Variants in SYN3 observed in about 807,000 individuals in gnomAD.
SYN3 encodes synapsin-3.
Under a neutral mutation model 65.8 loss-of-function variants are expected in SYN3, and 35 were observed. That is an observed-to-expected ratio of 0.53 (90% CI 0.41 to 0.70). SYN3 has a LOEUF of 0.70. Ranked by LOEUF, SYN3 falls within the 30% of genes least tolerant of loss-of-function variation. The pLI, the probability that SYN3 is intolerant of heterozygous loss-of-function variation, is 0.00. For synonymous variants in SYN3, 270 were observed against 292.9 expected (o/e 0.92, Z 0.80); for missense variants, 680 against 749.0 (o/e 0.91, Z 1.08).
chr22:32,867,030 T>C (rs1341128452), intron 5 of SYN3, among the ~76,000 whole-genome samples: 1 of 152,126 alleles, frequency 6.6e-6, no homozygotes, highest in Non-Finnish European at 1.5e-5. Flanking sequence ...GGAAGCTAAG[T>C]TCAGAGAGGT....
In SYN3 at chr22:32,587,377, G is replaced by A. The variant is rs554934370; in HGVS notation, c.774+9297C>T. ...GTGTTGGGGGGGAGGGTCCCTCACG[G>A]TTTAGCTGGGTCCCAGAACTCCCTC... is the stretch of plus-strand genomic sequence containing the variant. On this transcript the variant is annotated intron_variant, in intron 7 of 13. Transcript: ENST00000358763. Among the ~76,000 whole-genome samples the A allele has an allele frequency of 2.4e-3, 358 of 152,082 alleles. 2 individuals are homozygous for A. The highest frequency in any genetic ancestry group is 8.3e-3 in the African/African-American group (343 of 41,496).
chr22:32,917,600 G>C (rs2050219247), intron 4 of SYN3, among the ~76,000 whole-genome samples: 1 of 152,216 alleles, frequency 6.6e-6, no homozygotes, highest in African/African-American at 2.4e-5. Flanking sequence ...CCCAGAGCTG[G>C]AGTCATTCCG....
At chr22:32,927,950 C>T (rs1037140885) in intron 4 of SYN3, among the ~76,000 whole-genome samples, 2 of 152,206 alleles carry the variant, frequency 1.3e-5, no homozygotes, top group South Asian at 2.1e-4. Context: ...CAGTCTGTTA[C>T]TTTAACAAAA....
intron 9 of SYN3, among the ~76,000 whole-genome samples, chr22:32,537,038 G>A (rs749303121): frequency 2.6e-5 from 4 of 152,158 alleles, no homozygotes; most frequent in Non-Finnish European, 4.4e-5. Context: ...AGCTTTTTGA[G>A]TTCACAGCCC....
intron 6 of SYN3, among the ~76,000 whole-genome samples, chr22:32,648,039 G>A (rs1281227842): frequency 6.6e-6 from 1 of 152,004 alleles, no homozygotes; most frequent in African/African-American, 2.4e-5. Flanking sequence ...AAAAGTTTTT[G>A]TAGGGATTGG....
At chr22:33,007,525 T>C (rs893459053) in intron 1 of SYN3, among the ~76,000 whole-genome samples, 2 of 152,196 alleles carry the variant, frequency 1.3e-5, no homozygotes, top group Non-Finnish European at 2.9e-5. Context: ...GAGGTAATTA[T>C]GGTTAGTGGG....
In SYN3 at chr22:32,849,630, T is replaced by G; in HGVS notation, c.711+15285A>C. ...GGCAAAGTGGGTTGGAACTGGGGTG[T>G]GTGTCTAAGCACCAGCCAGACCCAG... On this transcript the variant is annotated intron_variant, in intron 6 of 13. Coordinates refer to ENST00000358763, the MANE Select transcript of SYN3 (RefSeq NM_003490.4). 3.7e-6 allele frequency: 4 copies of G among 1,077,818 alleles called. No individual in the cohort carries two copies. The Admixed American group carries it at 7.9e-5, about 21-fold the overall frequency. The allele number at this position is 1,077,818 out of a possible 1,614,324, so 66.8% of individuals were successfully genotyped here. A position where few individuals can be genotyped will look rare whatever the true frequency, so the allele number is the denominator to read the frequency against.
chr22:32,789,104 C>G (rs2046261877), intron 6 of SYN3, among the ~76,000 whole-genome samples: 1 of 152,238 alleles, frequency 6.6e-6, no homozygotes, highest in African/African-American at 2.4e-5. Flanking sequence ...CTTAAAAATG[C>G]AAAGCATTCC....
At chr22:32,562,277 G>A (rs963394912) in intron 7 of SYN3, among the ~76,000 whole-genome samples, 3 of 152,158 alleles carry the variant, frequency 2.0e-5, no homozygotes, top group Non-Finnish European at 4.4e-5. Flanking sequence ...CCTTCCTCCC[G>A]CCCTTTCCCA....
At chr22:32,683,872 T>C (rs2060555805) in intron 6 of SYN3, among the ~76,000 whole-genome samples, 1 of 152,192 alleles carries the variant, frequency 6.6e-6, no homozygotes, top group South Asian at 2.1e-4. Flanking sequence ...AGTCTAGAAG[T>C]ACACTAGCAA....
intron 1 of SYN3, among the ~76,000 whole-genome samples, chr22:33,050,495 A>C (rs375733875): frequency 0.013 from 1,916 of 151,284 alleles, 16 homozygotes; most frequent in Middle Eastern, 0.037. Context: ...AAAAAAAAAA[A>C]AAAACAAAAC....
chr22:32,951,770 G>T (rs559435071), intron 3 of SYN3, among the ~76,000 whole-genome samples: 1 of 152,208 alleles, frequency 6.6e-6, no homozygotes, highest in African/African-American at 2.4e-5. Context: ...GGTGACTCCC[G>T]TTGGAGTGTG....
chr22:32,710,090 C>CACAT (rs1555931688), intron 6 of SYN3, among the ~76,000 whole-genome samples: 12 of 97,142 alleles, frequency 1.2e-4, no homozygotes, highest in Non-Finnish European at 1.9e-4. Flanking sequence ...CACACACACA[C>CACAT]ACACACACAT....
At position 32,916,014 on chromosome 22, in the gene SYN3, T is replaced by C. The variant is rs936495803; in HGVS notation, c.461+15376A>G. On this transcript the variant is annotated intron_variant, in intron 4 of 13. Coordinates refer to ENST00000358763, the MANE Select transcript of SYN3 (RefSeq NM_003490.4). ...AGTTGTGCTGTGTAACTTCTGATGC[T>C]AGTCCTTAAGATACCTGCAGCTTCT... Among the ~76,000 whole-genome samples the C allele has an allele frequency of 3.9e-5, 6 of 152,334 alleles. 1 individual carries two copies. Among genetic ancestry groups the C allele is most frequent in the East Asian group, 1.9e-4 (1 of 5,180 alleles).
At chr22:32,701,414 C>T (rs909416460) in intron 6 of SYN3, among the ~76,000 whole-genome samples, 1 of 151,890 alleles carries the variant, frequency 6.6e-6, no homozygotes, top group Admixed American at 6.6e-5. Flanking sequence ...TGTAAGAAAG[C>T]AGAAAAATAT....
chr22:33,055,425 A>G (rs1180409747), intron 1 of SYN3, among the ~76,000 whole-genome samples: 2 of 152,162 alleles, frequency 1.3e-5, no homozygotes, highest in Admixed American at 1.3e-4. Context: ...GCGTTGCCGG[A>G]TCTTTCTCAT....
At chr22:32,687,737 G>A (rs923962724) in intron 6 of SYN3, among the ~76,000 whole-genome samples, 20 of 35,476 alleles carry the variant, frequency 5.6e-4, no homozygotes, top group Admixed American at 1.2e-3. Context: ...TTTCCTCCTC[G>A]CTTCAAGGAC....
intron 6 of SYN3, among the ~76,000 whole-genome samples, chr22:32,713,155 A>G (rs1221332581): frequency 6.6e-6 from 1 of 152,200 alleles, no homozygotes; most frequent in Non-Finnish European, 1.5e-5. Context: ...AATCAAAGCC[A>G]GCCACTGTAA....
intron 6 of SYN3, among the ~76,000 whole-genome samples, chr22:32,789,833 A>T (rs1307131322): frequency 6.6e-6 from 1 of 152,222 alleles, no homozygotes; most frequent in Non-Finnish European, 1.5e-5. Flanking sequence ...CAGGGTGATG[A>T]ACTTCAAGTT....
Sources: gnomAD v4.1 joint callset for allele counts (sites outside exome capture counted in the v4.1 genomes callset) on GRCh38, gnomAD v4.1.1 for gene constraint, MANE v1.5 for transcripts, NCBI Gene and HGNC (gene_info 2026-07-23, HGNC 2026-07-21) for gene names.